The following TMEM163 variants were observed in gnomAD, a reference collection of about 807,000 sequenced individuals.
The protein encoded by TMEM163 is transmembrane protein 163.
Under a neutral mutation model 29.3 loss-of-function variants are expected in TMEM163, and 17 were observed. The observed-to-expected ratio is 0.58, with a 90% CI of 0.40 to 0.87. The LOEUF is 0.87. Ranked by LOEUF, TMEM163 falls within the 40% of genes least tolerant of loss-of-function variation. The pLI is 0.00. For missense variants in TMEM163, 303 were observed against 381.5 expected, an observed-to-expected ratio of 0.79 and a Z score of 1.71; for synonymous variants, 157 against 160.6, an observed-to-expected ratio of 0.98 and a Z score of 0.17.
intron 1 of TMEM163, 195 bp from the exon 2 acceptor site, chr2:134,713,514 A>G: frequency 1.3e-6 from 1 of 785,288 alleles, no homozygotes; most frequent in South Asian, 1.5e-5. Flanking sequence ...GAAAAATCAC[A>G]GGCTCTGACA....
intron 6 of TMEM163, among the ~76,000 whole-genome samples, chr2:134,463,449 G>T (rs2106473164): frequency 6.6e-6 from 1 of 152,294 alleles, no homozygotes; most frequent in East Asian, 1.9e-4. Context: ...CAAATCCCAG[G>T]TCTGCCCCAG....
At chr2:134,688,326 T>C (rs1684389948) in intron 2 of TMEM163, among the ~76,000 whole-genome samples, 1 of 150,478 alleles carries the variant, frequency 6.6e-6, no homozygotes, top group Admixed American at 6.6e-5. Flanking sequence ...TCCAAACTCA[T>C]GAAGAGGTTC....
At chr2:134,680,791 G>C (rs1684213530) in intron 2 of TMEM163, among the ~76,000 whole-genome samples, 1 of 152,190 alleles carries the variant, frequency 6.6e-6, no homozygotes, top group African/African-American at 2.4e-5. Context: ...ACTGGAGCCA[G>C]AGAGGGGTTC....
chr2:134,581,134 G>T (rs1681681612), intron 2 of TMEM163, among the ~76,000 whole-genome samples: 1 of 152,080 alleles, frequency 6.6e-6, no homozygotes, highest in South Asian at 2.1e-4. Flanking sequence ...AGACACATGG[G>T]GCAAATCCGA....
intron 2 of TMEM163, among the ~76,000 whole-genome samples, chr2:134,560,036 C>G (rs1681132347): frequency 6.6e-6 from 1 of 152,084 alleles, no homozygotes; most frequent in Admixed American, 6.5e-5. Flanking sequence ...GACCTCCCCA[C>G]AGCCAGGCCA....
At chr2:134,610,086 C>A (rs35215000) in intron 2 of TMEM163, among the ~76,000 whole-genome samples, 72,073 of 152,062 alleles carry the variant, frequency 0.47, 17,988 homozygotes, top group Non-Finnish European at 0.55. Flanking sequence ...AAACAGGCCA[C>A]AGGGCCAATC....
At chr2:134,481,106 A>T (rs1169611875) in intron 5 of TMEM163, among the ~76,000 whole-genome samples, 1 of 151,790 alleles carries the variant, frequency 6.6e-6, no homozygotes, top group Non-Finnish European at 1.5e-5. Context: ...GGGGAGGGGG[A>T]CTTAGACTTC....
chr2:134,502,627 C>A (rs1679722356), intron 5 of TMEM163, among the ~76,000 whole-genome samples: 1 of 152,196 alleles, frequency 6.6e-6, no homozygotes, highest in African/African-American at 2.4e-5. Context: ...TTTCTCTTTA[C>A]ACACACAAAA....
intron 2 of TMEM163, among the ~76,000 whole-genome samples, chr2:134,694,934 T>C (rs979341298): frequency 1.3e-5 from 2 of 152,024 alleles, no homozygotes; most frequent in Non-Finnish European, 2.9e-5. Context: ...AAATACAAAC[T>C]CCACGGTTTT....
intron 2 of TMEM163, among the ~76,000 whole-genome samples, chr2:134,663,409 T>G (rs1243233921): frequency 6.6e-6 from 1 of 152,156 alleles, no homozygotes; most frequent in African/African-American, 2.4e-5. Context: ...ATCAAAGTCT[T>G]GCTACTTCCA....
At position 134,456,404 on chromosome 2, in the gene TMEM163, C is replaced by T. The variant is rs1474294134; in HGVS notation, c.*312G>A. 2 of 383,404 alleles carry T rather than the reference C, an allele frequency of 5.2e-6. No individual in the cohort carries two copies. Among genetic ancestry groups the T allele is most frequent in the Admixed American group, 3.6e-5 (1 of 27,470 alleles). 23.8% of individuals were successfully genotyped at this position (383,404 alleles called of 1,614,324 possible). On this transcript the variant is annotated 3_prime_UTR_variant, in exon 8 of 8. Coordinates refer to ENST00000281924, the MANE Select transcript of TMEM163 (RefSeq NM_030923.5). ...ATGCAGCGCAGGCTCAGAGCACCAC[C>T]GAAGACCTTTCTGCCAAAGATCTCA...
intron 6 of TMEM163, among the ~76,000 whole-genome samples, chr2:134,462,279 C>T (rs1686560985): frequency 6.6e-6 from 1 of 152,194 alleles, no homozygotes; most frequent in African/African-American, 2.4e-5. Context: ...ATCCCCTCCA[C>T]TCCCCAGGCC....
At chr2:134,470,563 C>G (rs1686776995) in intron 5 of TMEM163, among the ~76,000 whole-genome samples, 1 of 152,188 alleles carries the variant, frequency 6.6e-6, no homozygotes, top group African/African-American at 2.4e-5. Context: ...TTACCTTTCC[C>G]TGTAGAGGAA....
At chr2:134,567,402 G>C (rs1419421363) in intron 2 of TMEM163, among the ~76,000 whole-genome samples, 5 of 152,126 alleles carry the variant, frequency 3.3e-5, no homozygotes, top group African/African-American at 1.2e-4. Flanking sequence ...ACAAAATAAA[G>C]AGTCAGGAGC....
At chr2:134,522,507 T>C (rs1301347830) in intron 4 of TMEM163, among the ~76,000 whole-genome samples, 2 of 152,244 alleles carry the variant, frequency 1.3e-5, no homozygotes, top group Non-Finnish European at 2.9e-5. Flanking sequence ...TGTGGATTCA[T>C]GGACTGGATA....
chr2:134,683,320 A>G (rs1684286761), intron 2 of TMEM163, among the ~76,000 whole-genome samples: 1 of 152,076 alleles, frequency 6.6e-6, no homozygotes. Context: ...TCTATTGATA[A>G]CGGGGGGAAG....
intron 4 of TMEM163, among the ~76,000 whole-genome samples, chr2:134,539,363 G>A (rs762545914): frequency 3.3e-5 from 5 of 152,168 alleles, no homozygotes; most frequent in Admixed American, 6.5e-5. Context: ...CGAGGAAGGC[G>A]ACATGCACTG....
At chr2:134,469,131 A>G (rs1262207531) in intron 5 of TMEM163, 1 of 152,160 alleles carries the variant, frequency 6.6e-6, no homozygotes, top group Non-Finnish European at 1.5e-5. Context: ...TCACCGAGAA[A>G]TAAGTATGCA....
Position 134,502,946 on chromosome 2 carries a change from C to T in TMEM163, c.510G>A (p.Val170=). 6.2e-7 allele frequency: 1 copy of T among 1,613,668 alleles called. No individual in the cohort carries two copies. The highest frequency in any genetic ancestry group is 8.5e-7 in the Non-Finnish European group (1 of 1,179,864). Residue 170 remains valine (V), a synonymous_variant, in exon 5 of 8, where the codon GTG becomes GTA. Coordinates refer to ENST00000281924, the MANE Select transcript of TMEM163 (RefSeq NM_030923.5). The part of the protein sequence containing the change: ...VIFLLSSICI[V]VKAIHDLSTR... ...TTGAGAGGTCATGGATGGCTTTGAC[C>T]ACTATACATATGGATGACAGAAGGA...
Sources: allele counts gnomAD v4.1 joint callset (sites outside exome capture counted in the v4.1 genomes callset), GRCh38; gene constraint gnomAD v4.1.1; transcripts MANE v1.5; gene names NCBI Gene and HGNC (gene_info 2026-07-23, HGNC 2026-07-21).